The following ZEB1 variants were observed in gnomAD, a reference collection of about 807,000 sequenced individuals.
The protein encoded by ZEB1 is zinc finger E-box-binding homeobox 1.
ZEB1 carries 21 observed loss-of-function variants against 84.9 expected under a neutral mutation model. The observed-to-expected ratio is 0.25, with a 90% CI of 0.18 to 0.36. The LOEUF (loss-of-function observed/expected upper bound fraction) is 0.36, where lower values mean the gene tolerates loss of function less well. Ranked by LOEUF, ZEB1 falls within the 10% of genes least tolerant of loss-of-function variation. ZEB1 has a pLI of 1.00. For synonymous variants in ZEB1, 420 were observed against 471.1 expected, an observed-to-expected ratio of 0.89 and a Z score of 1.41; for missense variants, 1,104 against 1,330.2, an observed-to-expected ratio of 0.83 and a Z score of 2.65.
At chr10:31,396,011 TG>T (rs2135370630) in intron 1 of ZEB1, among the ~76,000 whole-genome samples, 1 of 152,318 alleles carries the variant, frequency 6.6e-6, no homozygotes, top group South Asian at 2.1e-4. Context: ...TCTCTAGCTT[TG>T]GGCATTGTCA....
At chr10:31,331,081 CTT>C (rs548615284) in intron 1 of ZEB1, among the ~76,000 whole-genome samples, 118 of 77,822 alleles carry the variant, frequency 1.5e-3, no homozygotes, top group African/African-American at 6.1e-3. Context: ...TTCTTTCTTT[CTT>C]TTTTTTTTTT....
intron 1 of ZEB1, among the ~76,000 whole-genome samples, chr10:31,359,939 G>T (rs1383367136): frequency 6.6e-6 from 1 of 152,150 alleles, no homozygotes; most frequent in African/African-American, 2.4e-5. Flanking sequence ...AGGGCCATTT[G>T]TCCTTTCAAA....
At chr10:31,349,406 C>T (rs2040904615) in intron 1 of ZEB1, among the ~76,000 whole-genome samples, 1 of 152,134 alleles carries the variant, frequency 6.6e-6, no homozygotes, top group Non-Finnish European at 1.5e-5. Flanking sequence ...CTCATCAACA[C>T]ACTGATTTCA....
intron 6 of ZEB1, among the ~76,000 whole-genome samples, chr10:31,515,237 C>A (rs577265174): frequency 6.6e-6 from 1 of 152,008 alleles, no homozygotes; most frequent in African/African-American, 2.4e-5. Flanking sequence ...CCTGTCTATT[C>A]CATGTCATTC....
chr10:31,318,695 C>CG, upstream of ZEB1: 1 of 158,416 alleles, frequency 6.3e-6, no homozygotes. Flanking sequence ...CCCCGGGGTG[C>CG]GGGGGGCGGA....
chr10:31,319,108 G>A, upstream of ZEB1: 1 of 700,644 alleles, frequency 1.4e-6, no homozygotes, highest in East Asian at 2.8e-5. Flanking sequence ...AGGTGATGTC[G>A]TAAAGCCGGG....
intron 1 of ZEB1, among the ~76,000 whole-genome samples, chr10:31,408,923 C>T (rs1395677120): frequency 5.3e-5 from 8 of 149,916 alleles, no homozygotes; most frequent in South Asian, 2.1e-4. Flanking sequence ...AGAGCTTCTG[C>T]ACAGCAAAAG....
intron 1 of ZEB1, chr10:31,321,188 A>C: frequency 9.2e-7 from 1 of 1,083,886 alleles, no homozygotes; most frequent in Non-Finnish European, 1.1e-6. Flanking sequence ...CTTTCCTGGC[A>C]ATTTTAGATT....
intron 1 of ZEB1, among the ~76,000 whole-genome samples, chr10:31,352,358 A>G (rs963333837): frequency 6.6e-6 from 1 of 152,246 alleles, no homozygotes; most frequent in African/African-American, 2.4e-5. Context: ...CAAAAAAACA[A>G]AAATTTGGCT....
At chr10:31,472,248 C>G (rs534165154) in intron 2 of ZEB1, among the ~76,000 whole-genome samples, 1 of 151,998 alleles carries the variant, frequency 6.6e-6, no homozygotes, top group Non-Finnish European at 1.5e-5. Flanking sequence ...ACAAAAAACC[C>G]TTCAAAAAAT....
At chr10:31,324,929 C>T (rs910532956) in intron 1 of ZEB1, among the ~76,000 whole-genome samples, 1 of 151,972 alleles carries the variant, frequency 6.6e-6, no homozygotes, top group Admixed American at 6.5e-5. Flanking sequence ...TAAATTTGAT[C>T]TATTATGTAG....
chr10:31,342,763 G>C (rs1246716804), intron 1 of ZEB1, among the ~76,000 whole-genome samples: 2 of 152,062 alleles, frequency 1.3e-5, no homozygotes, highest in Non-Finnish European at 2.9e-5. Context: ...GGAATAAATT[G>C]GGCTTGCTGC....
intron 7 of ZEB1, 145 bp from the exon 8 acceptor site, chr10:31,523,788 G>A: frequency 1.1e-6 from 1 of 900,504 alleles, no homozygotes; most frequent in Non-Finnish European, 1.7e-6. Context: ...CACATGTGCA[G>A]TGAAGATCAG....
intron 1 of ZEB1, among the ~76,000 whole-genome samples, chr10:31,380,685 T>G (rs1193185838): frequency 6.6e-6 from 1 of 152,184 alleles, no homozygotes; most frequent in Non-Finnish European, 1.5e-5. Flanking sequence ...CTTTTTGATT[T>G]ATCTGAAACA....
At chr10:31,450,618 G>A (rs1046580957) in intron 1 of ZEB1, among the ~76,000 whole-genome samples, 1 of 151,970 alleles carries the variant, frequency 6.6e-6, no homozygotes, top group Non-Finnish European at 1.5e-5. Context: ...ATGAAACTAA[G>A]CATCTTTATC....
intron 1 of ZEB1, among the ~76,000 whole-genome samples, chr10:31,323,728 ATG>A (rs1246808108): frequency 6.6e-6 from 1 of 151,982 alleles, no homozygotes; most frequent in African/African-American, 2.4e-5. Flanking sequence ...GTATTTAGTT[ATG>A]TCTTTTCATT....
At chr10:31,499,454 G>A (rs768431735) in intron 3 of ZEB1, among the ~76,000 whole-genome samples, 10 of 152,024 alleles carry the variant, frequency 6.6e-5, no homozygotes, top group Non-Finnish European at 8.8e-5. Flanking sequence ...AGCAAAGCCA[G>A]TTATCAACAT....
chr10:31,477,675 G>A (rs1430294275), intron 2 of ZEB1, among the ~76,000 whole-genome samples: 2 of 151,844 alleles, frequency 1.3e-5, no homozygotes, highest in Non-Finnish European at 2.9e-5. Context: ...ACATAGATCA[G>A]AGGAATAGAA....
chr10:31,456,677 T>A (rs531260117), intron 1 of ZEB1, among the ~76,000 whole-genome samples: 6 of 152,250 alleles, frequency 3.9e-5, no homozygotes, highest in African/African-American at 1.4e-4. Flanking sequence ...ACTTAGTAGC[T>A]ACATAACCTC....
Sources: gnomAD v4.1 joint callset for allele counts (sites outside exome capture counted in the v4.1 genomes callset) on GRCh38, gnomAD v4.1.1 for gene constraint, MANE v1.5 for transcripts, NCBI Gene and HGNC (gene_info 2026-07-23, HGNC 2026-07-21) for gene names.